The following RBFOX1 variants were observed in gnomAD, a reference collection of about 807,000 sequenced individuals.
RBFOX1 encodes the protein RNA binding protein fox-1 homolog 1.
Under a neutral mutation model 57.7 loss-of-function variants are expected in RBFOX1, and 8 were observed. The ratio of observed to expected loss-of-function variants is 0.14; its 90% CI spans 0.08 to 0.25. The LOEUF (loss-of-function observed/expected upper bound fraction) is 0.25. RBFOX1 is among the 10% of genes least tolerant of loss of function. The pLI is 1.00. For synonymous variants in RBFOX1, 326 were observed against 222.4 expected (o/e 1.47, Z -4.15); for missense variants, 611 against 548.5 (o/e 1.11, Z -1.14).
intron 4 of RBFOX1, among the ~76,000 whole-genome samples, chr16:5,976,977 G>T (rs532043558): frequency 1.0e-3 from 157 of 152,268 alleles, no homozygotes; most frequent in Non-Finnish European, 1.9e-3. Flanking sequence ...ACTTCTCAAA[G>T]TCTGATCTTT....
At position 7,034,848 on chromosome 16, in the gene RBFOX1, C is replaced by CTTTTTTT. The variant is rs58405378; in HGVS notation, c.-15-17197_-15-17191dup. ...ATTACTTTTTTTTTTTTTCTTTTTT[C>CTTTTTTT]TTTTTTTTTTTTTTTTTTGAGATGG... On this transcript the variant is annotated intron_variant, in intron 3 of 15. Coordinates refer to ENST00000550418, the MANE Select transcript of RBFOX1 (RefSeq NM_018723.4). Among the ~76,000 whole-genome samples, 133 of 30,780 alleles carry CTTTTTTT rather than the reference C, an allele frequency of 4.3e-3. 2 individuals carry two copies. Among genetic ancestry groups the CTTTTTTT allele is most frequent in the Non-Finnish European group, 5.2e-3 (100 of 19,222 alleles). 20.2% of individuals were successfully genotyped at this position (30,780 alleles called of 152,430 possible).
intron 3 of RBFOX1, among the ~76,000 whole-genome samples, chr16:6,878,732 C>G (rs1010458939): frequency 2.6e-5 from 4 of 152,098 alleles, no homozygotes; most frequent in African/African-American, 7.2e-5. Flanking sequence ...AAATGGAAAC[C>G]TGATATATCC....
intron 2 of RBFOX1, among the ~76,000 whole-genome samples, chr16:6,594,795 T>C (rs1371539107): frequency 1.3e-5 from 2 of 152,140 alleles, no homozygotes; most frequent in African/African-American, 4.8e-5. Context: ...TGTTTTTTGT[T>C]GGTTTGTTTT....
In RBFOX1 at chr16:7,516,909, G is replaced by A. The variant is rs562538791; in HGVS notation, c.28-1238G>A. Among the ~76,000 whole-genome samples the A allele has an allele frequency of 2.6e-5, 4 of 152,044 alleles. No individual in the cohort carries two copies. In the South Asian group the frequency reaches 6.3e-4, roughly 24 times the overall value. On this transcript the variant is annotated intron_variant, in intron 4 of 15. Coordinates refer to ENST00000550418, the MANE Select transcript of RBFOX1 (RefSeq NM_018723.4). ...AATTGCTTTAGAGAAAGAGGATTTCGGATGTTGGTGGCAAGTACTGAAGAG... is the reference window on the plus strand; with the variant it reads ...AATTGCTTTAGAGAAAGAGGATTTCAGATGTTGGTGGCAAGTACTGAAGAG...
intron 1 of RBFOX1, among the ~76,000 whole-genome samples, chr16:6,198,627 A>G (rs1414141658): frequency 6.6e-6 from 1 of 152,192 alleles, no homozygotes; most frequent in Admixed American, 6.5e-5. Flanking sequence ...ATAGACTTTT[A>G]TGATTAGGAA....
chr16:5,596,887 GTTCAC>G (rs2047200367), intron 2 of RBFOX1, among the ~76,000 whole-genome samples: 1 of 133,136 alleles, frequency 7.5e-6, no homozygotes, highest in Admixed American at 7.4e-5. Flanking sequence ...GTGTTTATTT[GTTCAC>G]TTCAATAAGC....
intron 3 of RBFOX1, among the ~76,000 whole-genome samples, chr16:5,785,369 C>T (rs913085288): frequency 6.6e-6 from 1 of 152,112 alleles, no homozygotes; most frequent in African/African-American, 2.4e-5. Context: ...TGCATCCCTT[C>T]CAGGCATGGG....
chr16:6,189,906 T>C (rs2152807353), intron 1 of RBFOX1, among the ~76,000 whole-genome samples: 1 of 152,336 alleles, frequency 6.6e-6, no homozygotes, highest in South Asian at 2.1e-4. Flanking sequence ...TGCCTGTGCT[T>C]GAGGGGTATT....
chr16:6,525,865 T>A (rs2096570963), intron 2 of RBFOX1, among the ~76,000 whole-genome samples: 1 of 151,944 alleles, frequency 6.6e-6, no homozygotes, highest in South Asian at 2.1e-4. Context: ...AACACATGAA[T>A]TTTGAAGTAG....
chr16:6,889,007 T>A (rs899362539), intron 3 of RBFOX1, among the ~76,000 whole-genome samples: 2 of 152,212 alleles, frequency 1.3e-5, no homozygotes, highest in African/African-American at 4.8e-5. Flanking sequence ...TCCACTTAGA[T>A]TGCAAATAAG....
chr16:6,296,027 C>T (rs1327682056), intron 1 of RBFOX1, among the ~76,000 whole-genome samples: 1 of 152,192 alleles, frequency 6.6e-6, no homozygotes, highest in Non-Finnish European at 1.5e-5. Context: ...AACAACGTCT[C>T]CCTCTTCTGT....
At chr16:6,678,065 A>G (rs1027542081) in intron 3 of RBFOX1, among the ~76,000 whole-genome samples, 6 of 152,224 alleles carry the variant, frequency 3.9e-5, no homozygotes, top group African/African-American at 1.4e-4. Flanking sequence ...CATATAATCT[A>G]TTCATCCTAT....
At chr16:6,930,423 T>C (rs140060641) in intron 3 of RBFOX1, among the ~76,000 whole-genome samples, 1 of 152,136 alleles carries the variant, frequency 6.6e-6, no homozygotes, top group African/African-American at 2.4e-5. Context: ...ATTGTTGTTA[T>C]TGTTGAGAAA....
At chr16:7,580,334 AT>A (rs2093657770) in intron 6 of RBFOX1, among the ~76,000 whole-genome samples, 2 of 152,292 alleles carry the variant, frequency 1.3e-5, no homozygotes, top group South Asian at 4.2e-4. Flanking sequence ...CTCTTAGTGT[AT>A]CCCTGCATTG....
chr16:7,394,674 C>G (rs865794928), intron 4 of RBFOX1, among the ~76,000 whole-genome samples: 1 of 152,168 alleles, frequency 6.6e-6, no homozygotes, highest in East Asian at 1.9e-4. Context: ...ACTGATCAGG[C>G]AGTTTCGGAG....
In RBFOX1 at chr16:6,601,505, C is replaced by T. The variant is rs937401235; in HGVS notation, c.-63-53098C>T. Among the ~76,000 whole-genome samples the T allele has an allele frequency of 6.6e-5, 10 of 152,206 alleles. No homozygotes were observed. In the East Asian group the frequency reaches 1.2e-3, roughly 18 times the overall value. ...CTCTACATACAAGAAGCTATACCAG[C>T]GTAAGGATCCTGGACCATTCTACTC... On this transcript the variant is annotated intron_variant, in intron 2 of 15. Transcript: ENST00000550418.
intron 2 of RBFOX1, among the ~76,000 whole-genome samples, chr16:5,525,757 C>T (rs998738540): frequency 1.3e-5 from 2 of 152,094 alleles, no homozygotes; most frequent in African/African-American, 4.8e-5. Context: ...CTTGGCCTCC[C>T]AAAGTGCTGG....
In RBFOX1 at chr16:6,608,037, A is replaced by G. The variant is rs549026724; in HGVS notation, c.-63-46566A>G. Among the ~76,000 whole-genome samples, 14 of 152,308 alleles carry G rather than the reference A, an allele frequency of 9.2e-5. No individual in the cohort carries two copies. The South Asian group carries it at 2.9e-3, about 32-fold the overall frequency. ...TCCTCTGTAATATTTTATCTTCTAC[A>G]TCAAAAAAGTCCTTCATTGTACAGA... is the stretch of plus-strand genomic sequence containing the variant. On this transcript the variant is annotated intron_variant, in intron 2 of 15. Coordinates refer to ENST00000550418, the MANE Select transcript of RBFOX1 (RefSeq NM_018723.4).
chr16:6,380,670 G>A (rs1310166996), intron 2 of RBFOX1, among the ~76,000 whole-genome samples: 2 of 151,898 alleles, frequency 1.3e-5, no homozygotes, highest in Non-Finnish European at 2.9e-5. Context: ...TATCATGAGT[G>A]TCCTTGAACA....
Sources: allele counts gnomAD v4.1 joint callset (sites outside exome capture counted in the v4.1 genomes callset), GRCh38; gene constraint gnomAD v4.1.1; transcripts MANE v1.5; gene names NCBI Gene and HGNC (gene_info 2026-07-23, HGNC 2026-07-21).